The following GALNT2 variants were observed in gnomAD, a reference collection of about 807,000 sequenced individuals.
GALNT2 encodes the protein UDP-GalNAc:polypeptide N-acetylgalactosaminyltransferase 2.
Under a neutral mutation model 81.4 loss-of-function variants are expected in GALNT2, and 31 were observed. The ratio of observed to expected loss-of-function variants is 0.38; its 90% CI spans 0.29 to 0.51. The LOEUF (loss-of-function observed/expected upper bound fraction) is 0.51. Ranked by LOEUF, GALNT2 falls within the 20% of genes least tolerant of loss-of-function variation. The probability of loss-of-function intolerance (pLI) is 0.87; values close to 1 mark genes in which losing one functional copy is unlikely to be tolerated. For synonymous variants in GALNT2, 303 were observed against 287.4 expected (o/e 1.05, Z -0.55); for missense variants, 629 against 765.7 (o/e 0.82, Z 2.11).
intron 1 of GALNT2, among the ~76,000 whole-genome samples, chr1:230,143,598 T>C (rs1452116070): frequency 1.3e-5 from 2 of 152,368 alleles, no homozygotes; most frequent in African/African-American, 2.4e-5. Flanking sequence ...TCTGTCGGCC[T>C]GAACACTTCC....
intron 1 of GALNT2, among the ~76,000 whole-genome samples, chr1:230,092,231 A>G (rs1406249664): frequency 1.6e-4 from 8 of 50,778 alleles, no homozygotes; most frequent in Admixed American, 8.0e-4. Flanking sequence ...AGGCTCGTCT[A>G]TGTAATTTGA....
intron 1 of GALNT2, among the ~76,000 whole-genome samples, chr1:230,067,632 C>T (rs182287763): frequency 1.3e-5 from 2 of 152,178 alleles, no homozygotes; most frequent in Admixed American, 1.3e-4. Flanking sequence ...CTTTCTCTGC[C>T]CCCTCTCGTG....
chr1:230,067,372 TG>T lies in GALNT2; in HGVS notation c.94del (p.Ala32ProfsTer110). 7.7e-7 allele frequency: 1 copy of T among 1,297,978 alleles called. No homozygotes were observed. The highest frequency in any genetic ancestry group is 9.9e-7 in the Non-Finnish European group (1 of 1,013,022). 80.4% of individuals were successfully genotyped at this position (1,297,978 alleles called of 1,614,324 possible). ...ATGTACTCGGGGGGCGGCTCTGCGC[TG>T]GCCGGGGGCGCGGGCGGCGGCGCCG... Reference protein sequence around the residue: ...YYMYSGGGSALAGGAGGGAGR... With the variant: ...YYMYSGGGSAXAGGAGGGAGR... On this transcript the variant is annotated frameshift_variant, in exon 1 of 16. Coordinates refer to ENST00000366672, the MANE Select transcript of GALNT2 (RefSeq NM_004481.5). LOFTEE classifies it high-confidence loss of function.
At chr1:230,196,842 T>A (rs1474677729) in intron 2 of GALNT2, among the ~76,000 whole-genome samples, 1 of 152,140 alleles carries the variant, frequency 6.6e-6, no homozygotes, top group South Asian at 2.1e-4. Flanking sequence ...GCCCATGGCA[T>A]GCACAGGTGA....
chr1:230,074,551 A>T (rs2102745951), intron 1 of GALNT2, among the ~76,000 whole-genome samples: 1 of 152,304 alleles, frequency 6.6e-6, no homozygotes, highest in South Asian at 2.1e-4. Flanking sequence ...AGGTGGGCAG[A>T]ATTGCCCTTG....
chr1:230,262,495 C>T (rs16851269), intron 11 of GALNT2, 78 bp from the exon 12 acceptor site: 157,865 of 1,276,206 alleles, frequency 0.12, 10,484 homozygotes, highest in African/African-American at 0.22. Context: ...CTCAGTCACA[C>T]GCCAGCAGAC....
At chr1:230,085,759 G>A (rs945003554) in intron 1 of GALNT2, among the ~76,000 whole-genome samples, 2 of 152,238 alleles carry the variant, frequency 1.3e-5, no homozygotes, top group Non-Finnish European at 2.9e-5. Context: ...ATTGCATTTT[G>A]GATCTTCTGG....
At chr1:230,175,559 TTCC>T (rs1662943571) in intron 1 of GALNT2, among the ~76,000 whole-genome samples, 1 of 51,450 alleles carries the variant, frequency 1.9e-5, no homozygotes, top group Non-Finnish European at 3.5e-5. Context: ...CTCCCCCTCC[TTCC>T]CCTCCTCCTC....
intron 3 of GALNT2, among the ~76,000 whole-genome samples, chr1:230,206,614 T>G (rs781458756): frequency 3.9e-5 from 6 of 152,220 alleles, no homozygotes; most frequent in Non-Finnish European, 7.4e-5. Context: ...GGGAGCTATT[T>G]CAGAATTTGA....
At chr1:230,199,141 A>G (rs1304597307) in intron 2 of GALNT2, among the ~76,000 whole-genome samples, 3 of 152,214 alleles carry the variant, frequency 2.0e-5, no homozygotes, top group Admixed American at 1.3e-4. Flanking sequence ...TGATAAAAGC[A>G]CAAGATGATG....
At position 230,262,935 on chromosome 1, in the gene GALNT2, T is replaced by C. The variant is rs1429619277; in HGVS notation, c.1243T>C (p.Leu415=). The change falls in exon 13 of 16, where the codon TTG becomes CTG. Residue 415 remains leucine (L), a synonymous_variant. Coordinates refer to ENST00000366672, the MANE Select transcript of GALNT2 (RefSeq NM_004481.5). ...CCTCTTCTCCAGTATTCAGAGCAGATTGGAGCTTAGGAAGAAACTCAGCTG... is the reference window on the plus strand; with the variant it reads ...CCTCTTCTCCAGTATTCAGAGCAGACTGGAGCTTAGGAAGAAACTCAGCTG... ...NVPYGNIQSR[L]ELRKKLSCKP... 3.7e-6 allele frequency: 6 copies of C among 1,613,876 alleles called. No individual in the cohort carries two copies. The highest frequency in any genetic ancestry group is 2.2e-5 in the East Asian group (1 of 44,886).
At chr1:230,242,406 A>G (rs1184286340) in intron 6 of GALNT2, among the ~76,000 whole-genome samples, 1 of 152,236 alleles carries the variant, frequency 6.6e-6, no homozygotes, top group East Asian at 1.9e-4. Flanking sequence ...GGAAAAAAGT[A>G]CTTAGCAGAC....
At chr1:230,117,884 A>G (rs547180323) in intron 1 of GALNT2, among the ~76,000 whole-genome samples, 35 of 152,338 alleles carry the variant, frequency 2.3e-4, no homozygotes, top group Admixed American at 8.5e-4. Flanking sequence ...TATCTGAAGC[A>G]TATCAGTGTG....
At chr1:230,210,945 G>T (rs1258417423) in intron 3 of GALNT2, among the ~76,000 whole-genome samples, 1 of 152,200 alleles carries the variant, frequency 6.6e-6, no homozygotes, top group Non-Finnish European at 1.5e-5. Context: ...GCCAAGTGAA[G>T]GTTTTCAGCA....
At chr1:230,084,793 T>C (rs1659850791) in intron 1 of GALNT2, among the ~76,000 whole-genome samples, 1 of 152,202 alleles carries the variant, frequency 6.6e-6, no homozygotes, top group African/African-American at 2.4e-5. Context: ...GCTGAGTCTC[T>C]GACTGGTAAC....
chr1:230,216,192 C>G (rs1292744913), intron 3 of GALNT2, among the ~76,000 whole-genome samples: 5 of 152,182 alleles, frequency 3.3e-5, no homozygotes, highest in Non-Finnish European at 7.3e-5. Context: ...CACTTTGCCC[C>G]CCGTCGTGGA....
rs1663803417 is a variant in GALNT2, at chr1:230,199,149, A to T, written c.221-3988A>T. Among the ~76,000 whole-genome samples the T allele has an allele frequency of 3.3e-5, 5 of 152,308 alleles. No homozygotes were observed. In the South Asian group the frequency reaches 1.0e-3, roughly 32 times the overall value. Reference sequence around the variant, plus strand: ...AAAAAGATGATAAAAGCACAAGATGATGTATGGATGACATGTCATATTTTT... The same window carrying T: ...AAAAAGATGATAAAAGCACAAGATGTTGTATGGATGACATGTCATATTTTT... On this transcript the variant is annotated intron_variant, in intron 2 of 15. Transcript: ENST00000366672.
At chr1:230,154,269 C>G (rs1208487364) in intron 1 of GALNT2, among the ~76,000 whole-genome samples, 1 of 152,224 alleles carries the variant, frequency 6.6e-6, no homozygotes, top group Non-Finnish European at 1.5e-5. Flanking sequence ...AAGTTTTTCT[C>G]CACGTGGGCC....
rs1336407333 is a variant in GALNT2 at position 230,249,268 on chromosome 1, T to C, written c.902T>C (p.Ile301Thr). Reference sequence around the variant, plus strand: ...CGGCAGGGGAACCCAGTCGCCCCTATAAAGTAAGTGCCAGCATCCTTCAGG... The same window carrying C: ...CGGCAGGGGAACCCAGTCGCCCCTACAAAGTAAGTGCCAGCATCCTTCAGG... ...RSRQGNPVAP[I>T]KTPMIAGGLF... Residue 301 changes from isoleucine to threonine, a missense_variant, in exon 9 of 16, where the codon ATA becomes ACA. By Grantham distance (89) the Ile-to-Thr change is moderately conservative (BLOSUM62 -1). This residue lies in a region of GALNT2 where 360 missense variants were observed against 492.8 expected (regional missense o/e 0.73). Coordinates refer to ENST00000366672, the MANE Select transcript of GALNT2 (RefSeq NM_004481.5). The C allele has an allele frequency of 6.2e-7, 1 of 1,613,734 alleles. No homozygotes were observed. Among genetic ancestry groups the C allele is most frequent in the Non-Finnish European group, 8.5e-7 (1 of 1,179,882 alleles).
Sources: allele counts gnomAD v4.1 joint callset (sites outside exome capture counted in the v4.1 genomes callset), GRCh38; gene constraint gnomAD v4.1.1; regional missense constraint gnomAD v4.1.1; transcripts MANE v1.5; gene names NCBI Gene and HGNC (gene_info 2026-07-23, HGNC 2026-07-21).